CFAP299: variants seen among roughly 807,000 people sequenced by gnomAD.
The protein encoded by CFAP299 is cilia and flagella associated protein 299, also known as cilia- and flagella-associated protein 299.
Under a neutral mutation model 27.0 loss-of-function variants are expected in CFAP299, and 21 were observed. That is an observed-to-expected ratio of 0.78 (90% CI 0.55 to 1.12). The LOEUF (loss-of-function observed/expected upper bound fraction) is 1.12, where lower values mean the gene tolerates loss of function less well. Ranked by LOEUF, CFAP299 falls within the 50% of genes most tolerant of loss-of-function variation. CFAP299 has a pLI of 0.00. For missense variants in CFAP299, 310 were observed against 276.6 expected, an observed-to-expected ratio of 1.12 and a Z score of -0.86; for synonymous variants, 104 against 98.1, an observed-to-expected ratio of 1.06 and a Z score of -0.36.
intron 4 of CFAP299, among the ~76,000 whole-genome samples, chr4:80,888,562 C>T (rs952704505): frequency 6.6e-6 from 1 of 152,032 alleles, no homozygotes; most frequent in East Asian, 1.9e-4. Flanking sequence ...GGACAGATCT[C>T]CCAGGCAGAA....
At chr4:80,649,484 A>C (rs1204153234) in intron 3 of CFAP299, among the ~76,000 whole-genome samples, 3 of 152,164 alleles carry the variant, frequency 2.0e-5, no homozygotes, top group Non-Finnish European at 4.4e-5. Flanking sequence ...GATGCAATGC[A>C]AAATAACTCA....
At chr4:80,323,173 G>C in the CFAP299 span, among the ~76,000 whole-genome samples, 1 of 152,174 alleles carries the variant, frequency 6.6e-6, no homozygotes, top group Admixed American at 6.5e-5. Context: ...TATAGATCAG[G>C]TCAATTGGTT....
intron 3 of CFAP299, among the ~76,000 whole-genome samples, chr4:80,775,308 T>C (rs1039933595): frequency 2.0e-5 from 3 of 151,984 alleles, no homozygotes; most frequent in Non-Finnish European, 4.4e-5. Flanking sequence ...CTCAGCATGG[T>C]GGAATTACTG....
At chr4:80,575,762 A>C (rs1735821469) in intron 2 of CFAP299, among the ~76,000 whole-genome samples, 1 of 152,056 alleles carries the variant, frequency 6.6e-6, no homozygotes, top group Non-Finnish European at 1.5e-5. Flanking sequence ...CTTTTGATGT[A>C]GGTGCTTATA....
intron 2 of CFAP299, among the ~76,000 whole-genome samples, chr4:80,391,017 A>G (rs1725448710): frequency 7.5e-6 from 1 of 133,078 alleles, no homozygotes; most frequent in Non-Finnish European, 1.6e-5. Context: ...ACACACATGT[A>G]TATATGTATA....
chr4:80,723,999 G>A (rs1437878103), intron 3 of CFAP299, among the ~76,000 whole-genome samples: 8 of 151,992 alleles, frequency 5.3e-5, no homozygotes, highest in Non-Finnish European at 1.2e-4. Flanking sequence ...ATTAAAACAT[G>A]AAAATTGTAC....
At chr4:80,847,024 A>G (rs1168597392) in intron 3 of CFAP299, among the ~76,000 whole-genome samples, 1 of 152,226 alleles carries the variant, frequency 6.6e-6, no homozygotes, top group Non-Finnish European at 1.5e-5. Context: ...TTTGGTCAGA[A>G]GAATCATTTT....
At chr4:80,719,575 A>G (rs960310810) in intron 3 of CFAP299, among the ~76,000 whole-genome samples, 3 of 152,192 alleles carry the variant, frequency 2.0e-5, no homozygotes, top group African/African-American at 7.2e-5. Flanking sequence ...AATTAAAAAC[A>G]TTTTCCATTT....
At chr4:80,475,520 G>A (rs1289709664) in intron 2 of CFAP299, among the ~76,000 whole-genome samples, 1 of 152,204 alleles carries the variant, frequency 6.6e-6, no homozygotes, top group African/African-American at 2.4e-5. Context: ...GAGCAACTGG[G>A]TAAATTGTAG....
At chr4:80,835,544 C>T (rs1333230369) in intron 3 of CFAP299, among the ~76,000 whole-genome samples, 3 of 151,442 alleles carry the variant, frequency 2.0e-5, no homozygotes, top group Non-Finnish European at 2.9e-5. Context: ...ACTGTTGGTT[C>T]CCAATGATAT....
chr4:80,683,220 T>C (rs79944010), intron 3 of CFAP299, among the ~76,000 whole-genome samples: 11,266 of 152,248 alleles, frequency 0.074, 840 homozygotes, highest in African/African-American at 0.19. Context: ...ATTATTGATT[T>C]GCAAAGCTCT....
chr4:80,358,598 T>A (rs562776764), intron 1 of CFAP299, among the ~76,000 whole-genome samples: 7 of 152,342 alleles, frequency 4.6e-5, no homozygotes, highest in East Asian at 1.9e-4. Flanking sequence ...TGTCTTTTTT[T>A]AATCTTTGTT....
intron 3 of CFAP299, among the ~76,000 whole-genome samples, chr4:80,675,040 A>T (rs902427405): frequency 6.6e-6 from 1 of 152,216 alleles, no homozygotes; most frequent in Non-Finnish European, 1.5e-5. Flanking sequence ...CATCAAAGTC[A>T]TTCTCCATCC....
chr4:80,673,110 G>A (rs549574512), intron 3 of CFAP299, among the ~76,000 whole-genome samples: 1 of 151,912 alleles, frequency 6.6e-6, no homozygotes, highest in South Asian at 2.1e-4. Flanking sequence ...TTAGGGTGTC[G>A]ATTTTAGATC....
At chr4:80,643,097 G>A (rs140291404) in intron 3 of CFAP299, among the ~76,000 whole-genome samples, 1 of 152,028 alleles carries the variant, frequency 6.6e-6, no homozygotes, top group African/African-American at 2.4e-5. Flanking sequence ...AGGAGTTCGA[G>A]ACCAGCTTGG....
chr4:80,936,324 A>G (rs976934741), intron 4 of CFAP299, among the ~76,000 whole-genome samples: 2 of 152,178 alleles, frequency 1.3e-5, no homozygotes, highest in African/African-American at 4.8e-5. Context: ...ATTTTATGAT[A>G]TAAATGCATG....
At chr4:80,576,037 G>T (rs527553831) in intron 2 of CFAP299, among the ~76,000 whole-genome samples, 2 of 151,972 alleles carry the variant, frequency 1.3e-5, no homozygotes, top group East Asian at 3.9e-4. Flanking sequence ...GCCTGTTGTG[G>T]GGTAGGGGGA....
Position 80,935,765 on chromosome 4 carries a change from T to C in CFAP299, c.477-9045T>C, listed in dbSNP as rs140384630. On this transcript the variant is annotated intron_variant, in intron 4 of 5. Transcript: ENST00000358105. The stretch of plus-strand genomic sequence containing the variant: ...TCTGCATGGCATAATAAATTATCAA[T>C]AGAGTAAACAGGCAACCTACAGAAT... 4.1e-3 allele frequency among the ~76,000 whole-genome samples: 617 copies of C among 152,088 alleles called. 1 individual carries two copies. The highest frequency in any genetic ancestry group is 0.014 in the Middle Eastern group (4 of 294).
At chr4:80,936,147 T>G (rs921134784) in intron 4 of CFAP299, among the ~76,000 whole-genome samples, 1 of 152,160 alleles carries the variant, frequency 6.6e-6, no homozygotes, top group Non-Finnish European at 1.5e-5. Flanking sequence ...TCAAAGATGA[T>G]GATGAGCTTG....
Sources: allele counts gnomAD v4.1 joint callset (sites outside exome capture counted in the v4.1 genomes callset), GRCh38; gene constraint gnomAD v4.1.1; transcripts MANE v1.5; gene names NCBI Gene and HGNC (gene_info 2026-07-23, HGNC 2026-07-21).